FAM178B: variants seen among roughly 807,000 people sequenced by gnomAD.
The protein encoded by FAM178B is family with sequence similarity 178 member B.
Under a neutral mutation model 91.7 loss-of-function variants are expected in FAM178B, and 82 were observed. The ratio of observed to expected loss-of-function variants is 0.89; its 90% CI spans 0.75 to 1.07. FAM178B has a LOEUF of 1.07. Among genes scored for constraint, FAM178B ranks in the 50% least tolerant of loss-of-function variants. The pLI is 0.00. For missense variants in FAM178B, 769 were observed against 846.7 expected (o/e 0.91, Z 1.14); for synonymous variants, 368 against 359.4 (o/e 1.02, Z -0.27).
At chr2:96,881,179 C>G (rs1459409438) in intron 14 of FAM178B, among the ~76,000 whole-genome samples, 1 of 149,104 alleles carries the variant, frequency 6.7e-6, no homozygotes, top group Non-Finnish European at 1.5e-5. Context: ...CTGAGGCAGG[C>G]ATATCACTTG....
intron 10 of FAM178B, among the ~76,000 whole-genome samples, 172 bp downstream of exon 10, chr2:96,923,318 G>C (rs1473017223): frequency 6.6e-6 from 1 of 152,188 alleles, no homozygotes; most frequent in Non-Finnish European, 1.5e-5. Flanking sequence ...CCTAGATCAG[G>C]ACCCGTGTCC....
At chr2:96,920,069 A>G (rs1017466735) in intron 12 of FAM178B, among the ~76,000 whole-genome samples, 3 of 152,124 alleles carry the variant, frequency 2.0e-5, no homozygotes, top group African/African-American at 7.2e-5. Flanking sequence ...AGGGGTAGGA[A>G]AGGAGTCATT....
rs2081856347 is a variant in FAM178B, at chr2:96,947,861, A to T, written c.1035T>A (p.Gly345=). The T allele has an allele frequency of 1.3e-6, 2 of 1,549,488 alleles. No homozygotes were observed. The highest frequency in any genetic ancestry group is 2.0e-5 in the Admixed American group (1 of 50,964). ...CATCCACAATGAGATCCCACAGAAG[A>T]CCAAAGGCTCCCAAAGATGTTTCTG... ...WPPETSLGAF[G]LLWDLIVDGI... is the part of the protein sequence containing the mutation. Residue 345 remains glycine (G), a synonymous_variant, in exon 8 of 17, where the codon GGT becomes GGA. Transcript: ENST00000490605.
At chr2:96,958,567 G>A (rs7584335) in intron 6 of FAM178B, among the ~76,000 whole-genome samples, 114,257 of 151,316 alleles carry the variant, frequency 0.76, 44,229 homozygotes, top group Middle Eastern at 0.83. Context: ...GCACACACCT[G>A]TAAACCCAGC....
At chr2:96,961,154 G>A (rs1397088284) in intron 5 of FAM178B, among the ~76,000 whole-genome samples, 2 of 152,208 alleles carry the variant, frequency 1.3e-5, no homozygotes, top group African/African-American at 4.8e-5. Context: ...CAACAGTATC[G>A]GAGAGAGGTG....
rs555036485 is a variant in FAM178B at position 96,913,730 on chromosome 2, C to T, written c.1562+7435G>A. On this transcript the variant is annotated intron_variant, in intron 12 of 16. Transcript: ENST00000490605. ...AGAACACTGAGAGGATCCTGGGGTG[C>T]TCCAGAATTCACAGGAAGATGGAGA... 1.1e-4 allele frequency among the ~76,000 whole-genome samples: 17 copies of T among 152,334 alleles called. No homozygotes were observed. The East Asian group carries it at 3.3e-3, about 29-fold the overall frequency.
intron 8 of FAM178B, among the ~76,000 whole-genome samples, chr2:96,933,103 C>T (rs917497686): frequency 1.1e-4 from 16 of 151,706 alleles, no homozygotes; most frequent in African/African-American, 2.9e-4. Context: ...ATTAGCCGGG[C>T]GTGGTAGTGC....
At position 96,929,315 on chromosome 2, in the gene FAM178B, C is replaced by T; in HGVS notation, c.1084G>A (p.Asp362Asn). 6.5e-7 allele frequency: 1 copy of T among 1,550,174 alleles called. No homozygotes were observed. Among genetic ancestry groups the T allele is most frequent in the Non-Finnish European group, 8.7e-7 (1 of 1,145,692 alleles). The change falls in exon 9 of 17, where the codon GAC becomes AAC. Residue 362 changes from aspartate (D) to asparagine (N), a missense_variant. Coordinates refer to ENST00000490605, the MANE Select transcript of FAM178B (RefSeq NM_001122646.3). ...AGTGAGGGGCACCACAGGTGCTTGT[C>T]TTCATCTGTCAGGCCAAAAGGGAGC... ...VDGIFLQPDE[D>N]KHLWCPSLQE...
intron 12 of FAM178B, among the ~76,000 whole-genome samples, chr2:96,912,353 G>A (rs977795244): frequency 8.6e-5 from 13 of 151,988 alleles, no homozygotes; most frequent in African/African-American, 1.7e-4. Context: ...GTCCTGGATC[G>A]GGGCAAGTGG....
rs1455705271 is a variant in FAM178B, at chr2:96,971,914, G to A, written c.551C>T (p.Ala184Val). The change falls in exon 3 of 17, where the codon GCT (alanine) becomes GTT (valine). Residue 184 changes from alanine (A) to valine (V), a missense_variant. Transcript: ENST00000490605. ...ACACAGGCTCACCTCTGGGGCCGCA[G>A]CCTGCTGGCTCAGGCCTGACGTGTT... ...FWNTSGLSQQ[A>V]AAPEFSWGGS... 4.0e-6 allele frequency: 6 copies of A among 1,497,552 alleles called. No homozygotes were observed. The highest frequency in any genetic ancestry group is 1.7e-4 in the Middle Eastern group (1 of 5,732). The allele number at this position is 1,497,552 out of a possible 1,614,324, so 92.8% of individuals were successfully genotyped here.
Position 96,960,362 on chromosome 2 carries a change from CCTGGGCAGAAACA to C in FAM178B, c.800_812del (p.Val267GlyfsTer14), listed in dbSNP as rs2082062160. 6.4e-7 allele frequency: 1 copy of C among 1,551,740 alleles called. No homozygotes were observed. The highest frequency in any genetic ancestry group is 8.7e-7 in the Non-Finnish European group (1 of 1,147,034). On this transcript the variant is annotated frameshift_variant, in exon 6 of 17. Transcript: ENST00000490605. LOFTEE classifies it high-confidence loss of function. Reference sequence around the variant, plus strand: ...CCAGGATGCATGGCAGGGGGTGACACCTGGGCAGAAACACAGTCTCACCTGGATGGACCGGCGG... The same window carrying C: ...CCAGGATGCATGGCAGGGGGTGACACCAGTCTCACCTGGATGGACCGGCGG...
chr2:96,904,412 C>T (rs1305688832), intron 12 of FAM178B, among the ~76,000 whole-genome samples: 3 of 152,144 alleles, frequency 2.0e-5, no homozygotes, highest in Non-Finnish European at 2.9e-5. Context: ...CGTTCTGTCA[C>T]CCAGGCTGGA....
In FAM178B at chr2:96,951,387, G is replaced by C. The variant is rs1192692004; in HGVS notation, c.985C>G (p.Leu329Val). The change falls in exon 7 of 17, where the codon CTG (leucine) becomes GTG (valine). Residue 329 changes from leucine to valine, a missense_variant. By Grantham distance (32) the Leu-to-Val change is conservative (BLOSUM62 1). Transcript: ENST00000490605. The stretch of plus-strand genomic sequence containing the variant: ...AGGCCTGCGGTCCTCACCTGGAACA[G>C]CCACTGGAGCAGGGATACCGGGCAG... ...PDCPVSLLQW[L>V]FQLLTWPPET... The C allele has an allele frequency of 1.3e-6, 2 of 1,550,676 alleles. No homozygotes were observed. Among genetic ancestry groups the C allele is most frequent in the Non-Finnish European group, 8.7e-7 (1 of 1,146,196 alleles).
intron 14 of FAM178B, among the ~76,000 whole-genome samples, chr2:96,885,511 A>C (rs1172698253): frequency 1.3e-5 from 2 of 152,212 alleles, no homozygotes; most frequent in African/African-American, 4.8e-5. Context: ...GCCATGGCGC[A>C]TGGGGCTGGG....
chr2:96,876,049 C>CAG lies in FAM178B; in HGVS notation c.*225_*226dup. Reference sequence around the variant, plus strand: ...GAGGAGGGCTGAGGGGTGGGCGAGGCAGAGAGGCCCATCCCTTGCTGAGAG... The same window carrying CAG: ...GAGGAGGGCTGAGGGGTGGGCGAGGCAGAGAGAGGCCCATCCCTTGCTGAGAG... On this transcript the variant is annotated 3_prime_UTR_variant, in exon 17 of 17. Transcript: ENST00000490605. 1.8e-6 allele frequency: 1 copy of CAG among 567,780 alleles called. No homozygotes were observed. The highest frequency in any genetic ancestry group is 3.0e-5 in the East Asian group (1 of 33,536). The allele number at this position is 567,780 out of a possible 1,614,324, so 35.2% of individuals were successfully genotyped here.
rs72942959 is a variant in FAM178B at position 96,931,470 on chromosome 2, A to G, written c.1079-2150T>C. ...GAGGTGGTGAGCGGACAAGACAAGG[A>G]ATATGAAATGTGGAAGGTGGAATGG... On this transcript the variant is annotated intron_variant, in intron 8 of 16. Coordinates refer to ENST00000490605, the MANE Select transcript of FAM178B (RefSeq NM_001122646.3). Among the ~76,000 whole-genome samples the G allele has an allele frequency of 2.1e-3, 316 of 152,302 alleles. 2 individuals are homozygous for G. The highest frequency in any genetic ancestry group is 7.3e-3 in the African/African-American group (303 of 41,554).
At chr2:96,902,521 C>A (rs2080953521) in intron 13 of FAM178B, 99 bp downstream of exon 13, 1 of 806,268 alleles carries the variant, frequency 1.2e-6, no homozygotes. Context: ...GAGTTCAGAG[C>A]CAGCTTAGCT....
intron 13 of FAM178B, among the ~76,000 whole-genome samples, chr2:96,897,321 T>C (rs1031674747): frequency 9.9e-5 from 15 of 152,192 alleles, no homozygotes; most frequent in African/African-American, 3.6e-4. Flanking sequence ...AATGAACAAA[T>C]GATTGAATGA....
In FAM178B at chr2:96,893,978, AAGGGCACAG is replaced by A. The variant is rs759364503; in HGVS notation, c.1715_1723del (p.Ser572_Pro574del). 1 of 1,612,836 alleles carries A rather than the reference AAGGGCACAG, an allele frequency of 6.2e-7. No individual in the cohort carries two copies. Among genetic ancestry groups the A allele is most frequent in the African/African-American group, 1.3e-5 (1 of 74,900 alleles). Reference sequence around the variant, plus strand: ...TGGCTGTTGCTCCTGGCAGGGTGGCAAGGGCACAGAGTCCAGGTATTGCCTGAGAGATGA... The same window carrying A: ...TGGCTGTTGCTCCTGGCAGGGTGGCAAGTCCAGGTATTGCCTGAGAGATGA... On this transcript the variant is annotated inframe_deletion, in exon 14 of 17. Transcript: ENST00000490605.
Sources: allele counts gnomAD v4.1 joint callset (sites outside exome capture counted in the v4.1 genomes callset), GRCh38; gene constraint gnomAD v4.1.1; transcripts MANE v1.5; gene names NCBI Gene and HGNC (gene_info 2026-07-23, HGNC 2026-07-21).